Variants in USP13 observed in about 807,000 individuals in gnomAD.
USP13 encodes the protein ubiquitin carboxyl-terminal hydrolase 13.
Under a neutral mutation model 107.8 loss-of-function variants are expected in USP13, and 68 were observed. The ratio of observed to expected loss-of-function variants is 0.63; its 90% CI spans 0.52 to 0.77. The LOEUF (loss-of-function observed/expected upper bound fraction) is 0.77, where lower values mean the gene tolerates loss of function less well. USP13 is among the 30% of genes least tolerant of loss of function. USP13 has a pLI of 0.00. For missense variants in USP13, 945 were observed against 1,093.3 expected (o/e 0.86, Z 1.91); for synonymous variants, 377 against 389.5 (o/e 0.97, Z 0.38).
chr3:179,706,920 G>A lies in USP13; in HGVS notation c.478-14G>A. Reference sequence around the variant, plus strand: ...AAACTGTTTTTATATATTACATCTGGGTTTGTCTTATAGGTAACAATTGCT... The same window carrying A: ...AAACTGTTTTTATATATTACATCTGAGTTTGTCTTATAGGTAACAATTGCT... On this transcript the variant is annotated splice_polypyrimidine_tract_variant and intron_variant, in intron 4 of 20. Coordinates refer to ENST00000263966, the MANE Select transcript of USP13 (RefSeq NM_003940.3). 6.2e-7 allele frequency: 1 copy of A among 1,604,098 alleles called. No individual in the cohort carries two copies. The highest frequency in any genetic ancestry group is 8.5e-7 in the Non-Finnish European group (1 of 1,176,664).
At chr3:179,703,528 G>A (rs191672020) in intron 4 of USP13, among the ~76,000 whole-genome samples, 3 of 152,260 alleles carry the variant, frequency 2.0e-5, no homozygotes, top group Admixed American at 2.0e-4. Context: ...GAAATCCAAT[G>A]CCTTCATTTT....
At chr3:179,741,037 T>C (rs997373243) in intron 11 of USP13, among the ~76,000 whole-genome samples, 19 of 152,122 alleles carry the variant, frequency 1.2e-4, no homozygotes, top group African/African-American at 4.6e-4. Flanking sequence ...AGTGCTGGGA[T>C]TACAGGTGTG....
At chr3:179,684,816 TA>T (rs766321161) in intron 2 of USP13, among the ~76,000 whole-genome samples, 1 of 152,038 alleles carries the variant, frequency 6.6e-6, no homozygotes, top group African/African-American at 2.4e-5. Context: ...AAGCCATATT[TA>T]TTTTTTTTTC....
At chr3:179,684,908 T>C (rs1711814590) in intron 2 of USP13, among the ~76,000 whole-genome samples, 1 of 152,148 alleles carries the variant, frequency 6.6e-6, no homozygotes, top group African/African-American at 2.4e-5. Flanking sequence ...AAAAATCCTA[T>C]TGGGATTTTG....
intron 20 of USP13, 78 bp downstream of exon 20, chr3:179,781,901 A>C (rs985235772): frequency 5.5e-5 from 68 of 1,239,682 alleles, no homozygotes; most frequent in Non-Finnish European, 1.2e-5. Flanking sequence ...TCCTAGGTAC[A>C]TTGTATGTTA....
intron 17 of USP13, among the ~76,000 whole-genome samples, chr3:179,762,514 G>C (rs1021609823): frequency 6.6e-6 from 1 of 152,192 alleles, no homozygotes; most frequent in Non-Finnish European, 1.5e-5. Flanking sequence ...CCAGGAGACG[G>C]AGGTTGCAGT....
At chr3:179,757,453 A>G (rs921436607) in intron 16 of USP13, among the ~76,000 whole-genome samples, 1 of 152,168 alleles carries the variant, frequency 6.6e-6, no homozygotes, top group Non-Finnish European at 1.5e-5. Context: ...ACTTTTTCCT[A>G]TCCTGCTGTC....
intron 12 of USP13, among the ~76,000 whole-genome samples, chr3:179,743,962 A>G (rs1423826645): frequency 6.6e-6 from 1 of 150,750 alleles, no homozygotes; most frequent in Non-Finnish European, 1.5e-5. Context: ...TACAAAAGAA[A>G]TGACCAGAAA....
intron 3 of USP13, among the ~76,000 whole-genome samples, chr3:179,691,575 T>C (rs551648956): frequency 6.6e-6 from 1 of 152,362 alleles, no homozygotes; most frequent in African/African-American, 2.4e-5. Flanking sequence ...ATACTGGTCA[T>C]GCTGAACTTG....
intron 8 of USP13, among the ~76,000 whole-genome samples, chr3:179,723,663 C>CTCATTCTATTT (rs1366129874): frequency 3.3e-5 from 5 of 152,114 alleles, no homozygotes; most frequent in Non-Finnish European, 5.9e-5. Context: ...ATTTTACATT[C>CTCATTCTATTT]TCATTCTATT....
Position 179,670,779 on chromosome 3 carries a change from C to T in USP13, c.169-11099C>T, listed in dbSNP as rs562539865. Among the ~76,000 whole-genome samples the T allele has an allele frequency of 1.2e-4, 19 of 152,088 alleles. 1 individual carries two copies. In the South Asian group the frequency reaches 4.0e-3, roughly 32 times the overall value. On this transcript the variant is annotated intron_variant, in intron 1 of 20. Coordinates refer to ENST00000263966, the MANE Select transcript of USP13 (RefSeq NM_003940.3). ...GTGGCATGATCTCCGCTCACTGCAACCTCTGCCTCCTGGGTTCTAGCGATT... is the reference window on the plus strand; with the variant it reads ...GTGGCATGATCTCCGCTCACTGCAATCTCTGCCTCCTGGGTTCTAGCGATT...
At chr3:179,760,285 T>G (rs1419721224) in intron 16 of USP13, among the ~76,000 whole-genome samples, 1 of 148,692 alleles carries the variant, frequency 6.7e-6, no homozygotes, top group Non-Finnish European at 1.5e-5. Context: ...TCTTAATGTT[T>G]TTTTTTTTTT....
At chr3:179,781,878 A>AG in intron 20 of USP13, 55 bp downstream of exon 20, 1 of 1,445,420 alleles carries the variant, frequency 6.9e-7, no homozygotes, top group Non-Finnish European at 9.7e-7. Flanking sequence ...TACCTACTAT[A>AG]TGCCAGGCAC....
intron 1 of USP13, among the ~76,000 whole-genome samples, chr3:179,680,667 C>T (rs747814795): frequency 6.6e-6 from 1 of 151,996 alleles, no homozygotes; most frequent in Non-Finnish European, 1.5e-5. Context: ...CTCAGCCTAC[C>T]GAGTAGCTGG....
At chr3:179,740,415 G>A (rs748007861) in intron 11 of USP13, 43 bp downstream of exon 11, 1 of 1,612,812 alleles carries the variant, frequency 6.2e-7, no homozygotes, top group African/African-American at 1.3e-5. Context: ...GGTTGTAAGA[G>A]GGTGCCGAGC....
intron 1 of USP13, among the ~76,000 whole-genome samples, chr3:179,666,416 A>G (rs1036990342): frequency 6.6e-6 from 1 of 152,206 alleles, no homozygotes; most frequent in Non-Finnish European, 1.5e-5. Context: ...TTCTCTTTCT[A>G]GGTCCCCAGT....
chr3:179,752,284 G>T lies in USP13; in HGVS notation c.1710-1G>T. ...TTGATATATCCCCTTGTGTTTCCCAGAACATCTCGCTTTGCTTCATTCCCT... is the reference window on the plus strand; with the variant it reads ...TTGATATATCCCCTTGTGTTTCCCATAACATCTCGCTTTGCTTCATTCCCT... On this transcript the variant is annotated splice_acceptor_variant, in intron 13 of 20. Coordinates refer to ENST00000263966, the MANE Select transcript of USP13 (RefSeq NM_003940.3). LOFTEE classifies it high-confidence loss of function. 6.2e-7 allele frequency: 1 copy of T among 1,613,646 alleles called. No individual in the cohort carries two copies. The highest frequency in any genetic ancestry group is 1.1e-5 in the South Asian group (1 of 90,898).
chr3:179,653,385 G>T lies in USP13; in HGVS notation c.160G>T (p.Asp54Tyr). 6.4e-7 allele frequency: 1 copy of T among 1,561,104 alleles called. No individual in the cohort carries two copies. Among genetic ancestry groups the T allele is most frequent in the Non-Finnish European group, 8.7e-7 (1 of 1,152,692 alleles). Reference protein sequence around the residue: ...VYKNECAFSYDSPNSEGGLYV... With the variant: ...VYKNECAFSYYSPNSEGGLYV... ...CAAGAACGAGTGCGCCTTCTCCTAC[G>T]ACTCTCCCGTAAGTGAGGCGCCTCG... The change falls in exon 1 of 21, where the codon GAC (aspartate) becomes TAC (tyrosine). Residue 54 changes from aspartate to tyrosine, a missense_variant. Asp to Tyr is a radical substitution (Grantham distance 160). Coordinates refer to ENST00000263966, the MANE Select transcript of USP13 (RefSeq NM_003940.3). This position sits in a 1 kb window ranked among gnomAD's most constrained non-coding sequence, Gnocchi z 4.0.
rs1435201643 is a variant in USP13 at position 179,678,384 on chromosome 3, A to G, written c.169-3494A>G. 6.6e-6 allele frequency among the ~76,000 whole-genome samples: 1 copy of G among 152,158 alleles called. No homozygotes were observed. Among genetic ancestry groups the G allele is most frequent in the Non-Finnish European group, 1.5e-5 (1 of 68,024 alleles). On this transcript the variant is annotated intron_variant, in intron 1 of 20. Transcript: ENST00000263966. The surrounding 1 kb of genome is among the most constrained non-coding windows in gnomAD (Gnocchi z 4.2). ...GTAATGTGTTGTCTCTAGTTGAAGG[A>G]CTTTTCTAATTTTATTTAAATGATT...
Sources: gnomAD v4.1 joint callset for allele counts (sites outside exome capture counted in the v4.1 genomes callset) on GRCh38, gnomAD v4.1.1 for gene constraint, Gnocchi (gnomAD v3.1) non-coding constraint, MANE v1.5 for transcripts, NCBI Gene and HGNC (gene_info 2026-07-23, HGNC 2026-07-21) for gene names.